LRRC47: variants seen among roughly 807,000 people sequenced by gnomAD.
The protein encoded by LRRC47 is leucine-rich repeat-containing protein 47.
LRRC47 carries 31 observed loss-of-function variants against 40.9 expected under a neutral mutation model. The observed-to-expected ratio is 0.76, with a 90% CI of 0.57 to 1.02. LRRC47 has a LOEUF of 1.02. LRRC47 is among the 50% of genes least tolerant of loss of function. The pLI is 0.00. For synonymous variants in LRRC47, 427 were observed against 371.9 expected (o/e 1.15, Z -1.70); for missense variants, 726 against 796.1 (o/e 0.91, Z 1.06).
rs1433556880 is a variant in LRRC47 at position 3,785,142 on chromosome 1, A to T, written c.1139T>A (p.Leu380His). 6.2e-7 allele frequency: 1 copy of T among 1,600,840 alleles called. No individual in the cohort carries two copies. Among genetic ancestry groups the T allele is most frequent in the Non-Finnish European group, 8.5e-7 (1 of 1,174,282 alleles). Residue 380 changes from leucine to histidine, a missense_variant, in exon 3 of 7, where the codon CTC (leucine) becomes CAC (histidine). Transcript: ENST00000378251. ...RTAATLATHE[L>H]RAVKGPLLYC... The stretch of plus-strand genomic sequence containing the variant: ...CAGCAGGGGCCCTTTGACGGCACGG[A>T]GCTCGTGGGTGGCAAGGGTGGCAGC...
At chr1:3,783,578 T>A (rs1323642024) in intron 4 of LRRC47, among the ~76,000 whole-genome samples, 1 of 152,206 alleles carries the variant, frequency 6.6e-6, no homozygotes, top group Non-Finnish European at 1.5e-5. Context: ...CAGAAATCAC[T>A]GGGCTAGTTA....
rs1363823738 is a variant in LRRC47, at chr1:3,782,702, C to T, written c.1372G>A (p.Val458Met). Reference protein sequence around the residue: ...YPCLVDADGDVISFPPITNSE... With the variant: ...YPCLVDADGDMISFPPITNSE... ...TTGGTTATTGGTGGGAAGGAAATCACATCACCGTCTGCATCCACAAGACAC... is the reference window on the plus strand; with the variant it reads ...TTGGTTATTGGTGGGAAGGAAATCATATCACCGTCTGCATCCACAAGACAC... Residue 458 changes from valine to methionine, a missense_variant, in exon 5 of 7, where the codon GTG becomes ATG. By Grantham distance (21) the Val-to-Met change is conservative (BLOSUM62 1). Coordinates refer to ENST00000378251, the MANE Select transcript of LRRC47 (RefSeq NM_020710.3). 1 of 1,613,152 alleles carries T rather than the reference C, an allele frequency of 6.2e-7. No individual in the cohort carries two copies. Among genetic ancestry groups the T allele is most frequent in the Non-Finnish European group, 8.5e-7 (1 of 1,179,042 alleles).
rs1643535019 is a variant in LRRC47 at position 3,782,926 on chromosome 1, C to T, written c.1311-163G>A. ...GTGCTGTGCCAATGGAGTGTCTACGCTAAGTCTGTCATCACTATGGTGAGC... is the reference window on the plus strand; with the variant it reads ...GTGCTGTGCCAATGGAGTGTCTACGTTAAGTCTGTCATCACTATGGTGAGC... On this transcript the variant is annotated intron_variant, in intron 4 of 6. Coordinates refer to ENST00000378251, the MANE Select transcript of LRRC47 (RefSeq NM_020710.3). 6 of 611,718 alleles carry T rather than the reference C, an allele frequency of 9.8e-6. No homozygotes were observed. In the Admixed American group the frequency reaches 1.0e-4, roughly 11 times the overall value. The allele number at this position is 611,718 out of a possible 1,614,324, so 37.9% of individuals were successfully genotyped here. A position where few individuals can be genotyped will look rare whatever the true frequency, so the allele number is the denominator to read the frequency against.
intron 2 of LRRC47, among the ~76,000 whole-genome samples, chr1:3,786,273 G>A (rs1293149439): frequency 6.6e-6 from 1 of 152,122 alleles, no homozygotes; most frequent in Admixed American, 6.6e-5. Context: ...CAAGGCGGGT[G>A]GACTGCTTGA....
Position 3,783,398 on chromosome 1 carries a change from C to T in LRRC47, c.1310+598G>A, listed in dbSNP as rs180826093. Among the ~76,000 whole-genome samples, 67 of 126,818 alleles carry T rather than the reference C, an allele frequency of 5.3e-4. 1 individual carries two copies. The East Asian group carries it at 0.013, about 24-fold the overall frequency. The allele number at this position is 126,818 out of a possible 152,430, so 83.2% of individuals were successfully genotyped here. A position where few individuals can be genotyped will look rare whatever the true frequency, so the allele number is the denominator to read the frequency against. Reference sequence around the variant, plus strand: ...TCGTGCCATTGCACTCCAGCCTGGGCGACAAGAGTGAGACCCCATCTCAAA... The same window carrying T: ...TCGTGCCATTGCACTCCAGCCTGGGTGACAAGAGTGAGACCCCATCTCAAA... On this transcript the variant is annotated intron_variant, in intron 4 of 6. Transcript: ENST00000378251.
chr1:3,782,758 A>G lies in LRRC47; in HGVS notation c.1316T>C (p.Leu439Pro). Residue 439 changes from leucine to proline, a missense_variant, in exon 5 of 7, where the codon CTT becomes CCT. Coordinates refer to ENST00000378251, the MANE Select transcript of LRRC47 (RefSeq NM_020710.3). The stretch of plus-strand genomic sequence containing the variant: ...ATTTTCATTTCCATCCAGCAAGTGA[A>G]GGTATCTGTATGGGAAGAAATACAA... ...RQSVSGLHRYLHLLDGNENYP... is the reference protein window; with the variant it reads ...RQSVSGLHRYPHLLDGNENYP... 1 of 1,581,856 alleles carries G rather than the reference A, an allele frequency of 6.3e-7. No individual in the cohort carries two copies. Among genetic ancestry groups the G allele is most frequent in the Non-Finnish European group, 8.7e-7 (1 of 1,150,600 alleles).
chr1:3,788,637 G>A (rs1409578169), intron 1 of LRRC47, among the ~76,000 whole-genome samples: 2 of 152,102 alleles, frequency 1.3e-5, no homozygotes, highest in East Asian at 3.9e-4. Flanking sequence ...GGAATCCTCC[G>A]GCTCAAGCAA....
At chr1:3,788,188 G>A (rs1457329216) in intron 1 of LRRC47, among the ~76,000 whole-genome samples, 1 of 152,224 alleles carries the variant, frequency 6.6e-6, no homozygotes, top group Non-Finnish European at 1.5e-5. Context: ...CAGGCAAAAG[G>A]GGCCCATCCG....
rs757056696 is a variant in LRRC47, at chr1:3,781,307, T to A, written c.1533A>T (p.Leu511Phe). 1 of 1,613,504 alleles carries A rather than the reference T, an allele frequency of 6.2e-7. No individual in the cohort carries two copies. Among genetic ancestry groups the A allele is most frequent in the Non-Finnish European group, 8.5e-7 (1 of 1,179,610 alleles). The change falls in exon 7 of 7, where the codon TTA becomes TTT. Residue 511 changes from leucine to phenylalanine, a missense_variant. Physicochemically the swap from Leu to Phe is conservative, Grantham distance 22. Coordinates refer to ENST00000378251, the MANE Select transcript of LRRC47 (RefSeq NM_020710.3). ...LKMAEMKKYT[L>F]ENKEEGSLSD... The stretch of plus-strand genomic sequence containing the variant: ...AGAGTGATCCTTCCTCTTTATTTTC[T>A]AAAGTGTACTTTTTCATTTCTGCCA...
At position 3,795,937 on chromosome 1, in the gene LRRC47, C is replaced by A; in HGVS notation, c.540G>T (p.Leu180=). 6.2e-7 allele frequency: 1 copy of A among 1,601,540 alleles called. No homozygotes were observed. Among genetic ancestry groups the A allele is most frequent in the Admixed American group, 1.7e-5 (1 of 58,958 alleles). ...TGTCAGCAGCCGCCAGTTCACTGAG[C>A]AGGGGCAGCGCGCCGGGGCGAAAGA... ...AELFRPGALP[L]LSELAAADNC... is the part of the protein sequence containing the mutation. The change falls in exon 1 of 7, where the codon CTG becomes CTT. Residue 180 remains leucine, a synonymous_variant. Coordinates refer to ENST00000378251, the MANE Select transcript of LRRC47 (RefSeq NM_020710.3).
Position 3,779,157 on chromosome 1 carries a change from G to T in LRRC47, c.*1931C>A, listed in dbSNP as rs1643494673. 1 of 152,310 alleles carries T rather than the reference G, an allele frequency of 6.6e-6. No homozygotes were observed. Among genetic ancestry groups the T allele is most frequent in the South Asian group, 2.1e-4 (1 of 4,836 alleles). 9.4% of individuals were successfully genotyped at this position (152,310 alleles called of 1,614,324 possible). ...AGACGGGAAGGCCTGGCGGTGACCA[G>T]ACAAGTGGGTCCAGGTCTCAAGGCA... On this transcript the variant is annotated 3_prime_UTR_variant, in exon 7 of 7. Coordinates refer to ENST00000378251, the MANE Select transcript of LRRC47 (RefSeq NM_020710.3).
Position 3,791,702 on chromosome 1 carries a change from C to T in LRRC47, c.615+4160G>A, listed in dbSNP as rs181840541. On this transcript the variant is annotated intron_variant, in intron 1 of 6. Coordinates refer to ENST00000378251, the MANE Select transcript of LRRC47 (RefSeq NM_020710.3). Reference sequence around the variant, plus strand: ...AACTCCCAACCTCAGGTGATCCGCCCGCCTCAGCCTCCCAAAGTGCTGGGA... The same window carrying T: ...AACTCCCAACCTCAGGTGATCCGCCTGCCTCAGCCTCCCAAAGTGCTGGGA... Among the ~76,000 whole-genome samples the T allele has an allele frequency of 2.0e-5, 3 of 152,284 alleles. No individual in the cohort carries two copies. In the South Asian group the frequency reaches 6.2e-4, roughly 32 times the overall value.
chr1:3,796,055 A>G lies in LRRC47; in HGVS notation c.422T>C (p.Leu141Pro). 1.3e-6 allele frequency: 2 copies of G among 1,540,166 alleles called. No individual in the cohort carries two copies. Among genetic ancestry groups the G allele is most frequent in the East Asian group, 5.0e-5 (2 of 40,262 alleles). Residue 141 changes from leucine (L) to proline (P), a missense_variant, in exon 1 of 7, where the codon CTG (leucine) becomes CCG (proline). Coordinates refer to ENST00000378251, the MANE Select transcript of LRRC47 (RefSeq NM_020710.3). ...CGCCAGGTCGGCTGGCAGCTCGCGC[A>G]GCCGGTTGCCGCTGAGGTTGAGGCT... Reference protein sequence around the residue: ...LQSLNLSGNRLRELPADLARC... With the variant: ...LQSLNLSGNRPRELPADLARC...
Position 3,786,982 on chromosome 1 carries a change from G to A in LRRC47, c.944C>T (p.Ser315Phe), listed in dbSNP as rs767665528. ...GACTGTCAGAGGTACGGGGTTTTCA[G>A]AGACGTGCAGGACCCTGAGCAGCAG... ...GRLLLRVLHV[S>F]ENPVPLTVRV... Residue 315 changes from serine (S) to phenylalanine (F), a missense_variant, in exon 2 of 7, where the codon TCT becomes TTT. Ser to Phe is a radical substitution (Grantham distance 155, BLOSUM62 -2). Transcript: ENST00000378251. The A allele has an allele frequency of 2.4e-5, 39 of 1,611,616 alleles. No homozygotes were observed. The highest frequency in any genetic ancestry group is 5.0e-5 in the Admixed American group (3 of 59,706).
chr1:3,796,266 C>G lies in LRRC47; in HGVS notation c.211G>C (p.Ala71Pro). 6.8e-7 allele frequency: 1 copy of G among 1,470,328 alleles called. No individual in the cohort carries two copies. The highest frequency in any genetic ancestry group is 8.9e-7 in the Non-Finnish European group (1 of 1,119,574). The allele number at this position is 1,470,328 out of a possible 1,614,324, so 91.1% of individuals were successfully genotyped here. Residue 71 changes from alanine to proline, a missense_variant, in exon 1 of 7, where the codon GCG becomes CCG. Physicochemically the swap from Ala to Pro is conservative, Grantham distance 27. Transcript: ENST00000378251. The stretch of plus-strand genomic sequence containing the variant: ...CTGTGCAGCTGCGGCAGGCCCTGCG[C>G]CAGGCCAGGCCCCGGCGCGCGCAAG... Reference protein sequence around the residue: ...GSLRAPGPGLAQGLPQLHSLV... With the variant: ...GSLRAPGPGLPQGLPQLHSLV...
At chr1:3,793,926 G>A (rs1027286644) in intron 1 of LRRC47, among the ~76,000 whole-genome samples, 1 of 152,146 alleles carries the variant, frequency 6.6e-6, no homozygotes, top group Non-Finnish European at 1.5e-5. Flanking sequence ...GCCGGGCGCG[G>A]TGGCTCATGC....
In LRRC47 at chr1:3,778,916, G is replaced by A. The variant is rs1643492865; in HGVS notation, c.*2172C>T. 4.6e-5 allele frequency: 7 copies of A among 152,326 alleles called. No homozygotes were observed. The highest frequency in any genetic ancestry group is 4.6e-4 in the Admixed American group (7 of 15,284). The allele number at this position is 152,326 out of a possible 1,614,324, so 9.4% of individuals were successfully genotyped here. ...TCCCCAGCCCCAGAACTCCAGCAGA[G>A]TCCTGGCCTGGGGAAGCCCCCGTGC... On this transcript the variant is annotated 3_prime_UTR_variant, in exon 7 of 7. Coordinates refer to ENST00000378251, the MANE Select transcript of LRRC47 (RefSeq NM_020710.3).
intron 1 of LRRC47, among the ~76,000 whole-genome samples, chr1:3,792,700 T>C (rs1643638894): frequency 6.6e-6 from 1 of 152,114 alleles, no homozygotes; most frequent in East Asian, 1.9e-4. Flanking sequence ...ACCTCGTGAT[T>C]CGCCCGCCTT....
rs750920435 is a variant in LRRC47 at position 3,784,109 on chromosome 1, A to C, written c.1197T>G (p.Ile399Met). ...TGGCTTCTTTCCGCCCCAAGGGGAC[A>C]ATCTATCGGGCAGAAACCCACAAAC... ...YCARPPQDLKIVPLGRKEAKA... is the reference protein window; with the variant it reads ...YCARPPQDLKMVPLGRKEAKA... Residue 399 changes from isoleucine (I) to methionine (M), a missense_variant and splice_region_variant, in exon 4 of 7, where the codon ATT becomes ATG. By Grantham distance (10) the Ile-to-Met change is conservative. Transcript: ENST00000378251. 85 of 1,608,240 alleles carry C rather than the reference A, an allele frequency of 5.3e-5. 1 individual carries two copies. The South Asian group carries it at 5.8e-4, about 11-fold the overall frequency.
Sources: allele counts gnomAD v4.1 joint callset (sites outside exome capture counted in the v4.1 genomes callset), GRCh38; gene constraint gnomAD v4.1.1; transcripts MANE v1.5; gene names NCBI Gene and HGNC (gene_info 2026-07-23, HGNC 2026-07-21).